The following ZNF385D variants were observed in gnomAD, a reference collection of about 807,000 sequenced individuals.
The protein encoded by ZNF385D is zinc finger protein 385D.
In ZNF385D, 15 loss-of-function variants were observed where a neutral mutation model predicts 35.8. The ratio of observed to expected loss-of-function variants is 0.42; its 90% confidence interval spans 0.28 to 0.64. ZNF385D has a LOEUF of 0.64. ZNF385D is among the 30% of genes least tolerant of loss of function. ZNF385D has a pLI of 0.23. For synonymous variants in ZNF385D, 212 were observed against 186.8 expected (o/e 1.13, Z -1.10); for missense variants, 474 against 494.6 (o/e 0.96, Z 0.39).
chr3:22,326,044 C>T (rs188427653), intron 2 of ZNF385D, among the ~76,000 whole-genome samples: 35 of 152,258 alleles, frequency 2.3e-4, no homozygotes, highest in African/African-American at 8.2e-4. Context: ...CTCCCTGTCT[C>T]CAATTCCCGA....
chr3:21,948,606 G>A (rs1445770361), intron 3 of ZNF385D, among the ~76,000 whole-genome samples: 1 of 151,814 alleles, frequency 6.6e-6, no homozygotes, highest in African/African-American at 2.4e-5. Context: ...ATACTGAATT[G>A]GCATATAATA....
intron 3 of ZNF385D, among the ~76,000 whole-genome samples, chr3:22,007,843 A>T (rs1696315554): frequency 6.6e-6 from 1 of 151,234 alleles, no homozygotes; most frequent in African/African-American, 2.4e-5. Flanking sequence ...TATAATTTAT[A>T]TAGTTTTCTT....
In ZNF385D at chr3:22,062,302, G is replaced by A. The variant is rs550952843; in HGVS notation, c.325+106515C>T. On this transcript the variant is annotated intron_variant, in intron 3 of 5. Coordinates refer to the ZNF385D transcript ENST00000494108. ...ACTCTCGGGATCAAGCAATCCACCC[G>A]CCTCAGCCTCCCAAAGGGCTGGAAT... 6.6e-5 allele frequency among the ~76,000 whole-genome samples: 10 copies of A among 152,122 alleles called. No individual in the cohort carries two copies. The East Asian group carries it at 7.7e-4, about 12-fold the overall frequency.
At chr3:22,226,341 A>C (rs1241395337) in intron 2 of ZNF385D, among the ~76,000 whole-genome samples, 1 of 152,056 alleles carries the variant, frequency 6.6e-6, no homozygotes, top group Non-Finnish European at 1.5e-5. Context: ...TTAGAGTCAT[A>C]AACAGACAAT....
chr3:21,738,341 G>C (rs1176928239), intron 1 of ZNF385D, among the ~76,000 whole-genome samples: 1 of 152,156 alleles, frequency 6.6e-6, no homozygotes. Flanking sequence ...ACTGATTTTA[G>C]TCTCATTTTA....
At chr3:22,220,722 A>G (rs1406697814) in intron 2 of ZNF385D, among the ~76,000 whole-genome samples, 1 of 152,182 alleles carries the variant, frequency 6.6e-6, no homozygotes, top group Non-Finnish European at 1.5e-5. Flanking sequence ...GACTCATTCA[A>G]TGTTACATTC....
At chr3:22,141,673 A>G (rs1353853182) in intron 3 of ZNF385D, among the ~76,000 whole-genome samples, 1 of 152,116 alleles carries the variant, frequency 6.6e-6, no homozygotes, top group Admixed American at 6.6e-5. Flanking sequence ...CTGGGGGAGG[A>G]GGAGGAGGAG....
chr3:21,514,226 T>A (rs1332423074), intron 3 of ZNF385D, among the ~76,000 whole-genome samples: 1 of 152,162 alleles, frequency 6.6e-6, no homozygotes, highest in Non-Finnish European at 1.5e-5. Flanking sequence ...GCCAGACACC[T>A]GGGAATTCTC....
chr3:21,703,739 G>A (rs2067786238), intron 1 of ZNF385D, among the ~76,000 whole-genome samples: 1 of 151,862 alleles, frequency 6.6e-6, no homozygotes, highest in Admixed American at 6.6e-5. Flanking sequence ...CATGAAGCTG[G>A]CCATTATGCT....
chr3:22,342,942 T>C (rs1271417955), intron 2 of ZNF385D, among the ~76,000 whole-genome samples: 1 of 152,224 alleles, frequency 6.6e-6, no homozygotes, highest in South Asian at 2.1e-4. Flanking sequence ...CAGGTAGCTA[T>C]TGAGCATTTA....
intron 1 of ZNF385D, among the ~76,000 whole-genome samples, chr3:21,730,199 A>T (rs1002454626): frequency 1.3e-5 from 2 of 152,292 alleles, no homozygotes; most frequent in Admixed American, 6.5e-5. Context: ...AGAGCATAGG[A>T]TCAAAATCAT....
At chr3:21,428,933 C>CATTTTTTTTTTTTTTTTTTTTTT (rs1701148625) in intron 5 of ZNF385D, among the ~76,000 whole-genome samples, 1 of 112,046 alleles carries the variant, frequency 8.9e-6, no homozygotes. Flanking sequence ...CCAAGAAATC[C>CATTTTTTTTTTTTTTTTTTTTTT]TTTTTTTTTT....
chr3:21,880,814 T>G (rs779720438), intron 3 of ZNF385D, among the ~76,000 whole-genome samples: 10 of 151,692 alleles, frequency 6.6e-5, no homozygotes, highest in Non-Finnish European at 1.5e-4. Flanking sequence ...AAATGGAAAA[T>G]GCTACTTCAG....
intron 2 of ZNF385D, among the ~76,000 whole-genome samples, chr3:22,280,609 T>C (rs1575025806): frequency 6.6e-6 from 1 of 152,112 alleles, no homozygotes; most frequent in Non-Finnish European, 1.5e-5. Flanking sequence ...GGGTTCTCCA[T>C]TCGTCCCATT....
intron 3 of ZNF385D, among the ~76,000 whole-genome samples, chr3:22,027,755 A>G (rs1309452748): frequency 3.3e-5 from 5 of 152,186 alleles, no homozygotes; most frequent in African/African-American, 7.2e-5. Flanking sequence ...CACAAGTTAC[A>G]TGAGAAAGTG....
intron 3 of ZNF385D, among the ~76,000 whole-genome samples, chr3:21,875,986 T>A (rs61224996): frequency 1.1e-3 from 166 of 152,256 alleles, no homozygotes; most frequent in African/African-American, 3.6e-3. Context: ...AAAACATCAG[T>A]TCTCAATGGA....
chr3:21,876,362 T>C (rs1316164994), intron 3 of ZNF385D, among the ~76,000 whole-genome samples: 1 of 151,742 alleles, frequency 6.6e-6, no homozygotes, highest in African/African-American at 2.4e-5. Context: ...TATAATCATT[T>C]TGGGATGATT....
chr3:22,117,653 A>C (rs1233858140), intron 3 of ZNF385D, among the ~76,000 whole-genome samples: 2 of 151,972 alleles, frequency 1.3e-5, no homozygotes, highest in Non-Finnish European at 2.9e-5. Flanking sequence ...TTTACTTTTA[A>C]ATAAACTTAA....
chr3:22,173,716 G>C (rs1036098919), intron 2 of ZNF385D, among the ~76,000 whole-genome samples: 24 of 152,078 alleles, frequency 1.6e-4, no homozygotes, highest in African/African-American at 5.3e-4. Context: ...TCTCAAATTT[G>C]CCTGAAATGA....
Sources: gnomAD v4.1 joint callset for allele counts (sites outside exome capture counted in the v4.1 genomes callset) on GRCh38, gnomAD v4.1.1 for gene constraint, MANE v1.5 for transcripts, NCBI Gene and HGNC (gene_info 2026-07-23, HGNC 2026-07-21) for gene names.